ZZZ3: variants seen among roughly 807,000 people sequenced by gnomAD.
The protein encoded by ZZZ3 is ZZ-type zinc finger-containing protein 3.
A neutral mutation model predicts 95.2 loss-of-function variants in ZZZ3; 22 were observed. The ratio of observed to expected loss-of-function variants is 0.23; its 90% confidence interval spans 0.17 to 0.33. The LOEUF is 0.33. ZZZ3 is among the 10% of genes least tolerant of loss of function. The pLI, the probability that ZZZ3 is intolerant of heterozygous loss-of-function variation, is 1.00. For missense variants in ZZZ3, 885 were observed against 1,066.5 expected (o/e 0.83, Z 2.37); for synonymous variants, 335 against 358.9 (o/e 0.93, Z 0.75).
At chr1:77,584,456 AATTCTCTTAAGCT>A (rs777176240) in intron 6 of ZZZ3, 48 bp downstream of exon 6, 47 of 1,511,362 alleles carry the variant, frequency 3.1e-5, no homozygotes, top group Non-Finnish European at 4.0e-5. Context: ...GAATTAACCA[AATTCTCTTAAGCT>A]ATTCCCAAAT....
intron 5 of ZZZ3, among the ~76,000 whole-genome samples, chr1:77,619,912 G>A (rs1228997323): frequency 6.6e-6 from 1 of 151,792 alleles, no homozygotes; most frequent in African/African-American, 2.4e-5. Context: ...ACTATGAAAA[G>A]CATGCTAAAT....
chr1:77,644,266 A>G (rs1448023902), intron 1 of ZZZ3, among the ~76,000 whole-genome samples: 1 of 151,846 alleles, frequency 6.6e-6, no homozygotes, highest in Admixed American at 6.6e-5. Context: ...GGGTTTTGCC[A>G]TGTTGGCCAG....
At chr1:77,677,436 C>A (rs898360804) in intron 1 of ZZZ3, 3 of 152,120 alleles carry the variant, frequency 2.0e-5, no homozygotes, top group Non-Finnish European at 4.4e-5. Flanking sequence ...TGCTTCACCT[C>A]AGTAATTAAA....
chr1:77,621,299 GA>G (rs1666829385), intron 5 of ZZZ3, among the ~76,000 whole-genome samples: 1 of 149,150 alleles, frequency 6.7e-6, no homozygotes, highest in African/African-American at 2.5e-5. Context: ...GGGCAACACA[GA>G]AGGAGCCTGT....
intron 5 of ZZZ3, among the ~76,000 whole-genome samples, chr1:77,618,465 A>G (rs952256860): frequency 6.6e-6 from 1 of 152,010 alleles, no homozygotes; most frequent in African/African-American, 2.4e-5. Context: ...AGGGGAAAGG[A>G]AGAAAGTGTG....
intron 1 of ZZZ3, among the ~76,000 whole-genome samples, chr1:77,663,071 C>T (rs1670954037): frequency 1.3e-5 from 2 of 151,512 alleles, no homozygotes; most frequent in Non-Finnish European, 2.9e-5. Context: ...CGCTACTGCA[C>T]TCCAGGCTGG....
chr1:77,586,799 G>A (rs1161347952), intron 5 of ZZZ3, among the ~76,000 whole-genome samples: 4 of 152,098 alleles, frequency 2.6e-5, no homozygotes, highest in Admixed American at 6.6e-5. Context: ...AGCATACTCA[G>A]ACACTGCACC....
At chr1:77,675,396 C>T (rs981455701) in intron 1 of ZZZ3, among the ~76,000 whole-genome samples, 2 of 151,922 alleles carry the variant, frequency 1.3e-5, no homozygotes, top group African/African-American at 2.4e-5. Context: ...TAATTAGCAA[C>T]GCTATTTCCT....
chr1:77,599,268 A>G (rs558792581), intron 5 of ZZZ3, among the ~76,000 whole-genome samples: 3 of 152,168 alleles, frequency 2.0e-5, no homozygotes, highest in African/African-American at 7.2e-5. Context: ...ACCTTATATT[A>G]TTCATTATAC....
chr1:77,632,403 C>G lies in ZZZ3; in HGVS notation c.952G>C (p.Val318Leu). 6.2e-7 allele frequency: 1 copy of G among 1,614,168 alleles called. No individual in the cohort carries two copies. Among genetic ancestry groups the G allele is most frequent in the Non-Finnish European group, 8.5e-7 (1 of 1,180,002 alleles). Residue 318 changes from valine (V) to leucine (L), a missense_variant, in exon 5 of 15, where the codon GTA (valine) becomes CTA (leucine). Val to Leu is a conservative substitution (Grantham distance 32). Around this residue, in one of 5 missense-constraint regions of ZZZ3, gnomAD observed 556 missense variants for 652.9 expected, o/e 0.85. Transcript: ENST00000370801. ...GCACTGCTATCTCCCACCACATCTA[C>G]TTCCTCCTCAGAATCCCTTAAAGAT... ...QSSLRDSEEE[V>L]DVVGDSSASK...
intron 1 of ZZZ3, among the ~76,000 whole-genome samples, chr1:77,680,952 C>G (rs968362515): frequency 9.9e-5 from 15 of 152,082 alleles, no homozygotes; most frequent in African/African-American, 3.6e-4. Flanking sequence ...AAATAAGTTA[C>G]TTGTGATATT....
At chr1:77,574,158 A>T (rs1661694689) in intron 12 of ZZZ3, among the ~76,000 whole-genome samples, 1 of 148,086 alleles carries the variant, frequency 6.8e-6, no homozygotes, top group Non-Finnish European at 1.5e-5. Context: ...ATATAGATTT[A>T]TATATAGATA....
At position 77,566,083 on chromosome 1, in the gene ZZZ3, G is replaced by A. The variant is rs1196737847; in HGVS notation, c.2565C>T (p.Asp855=). The change falls in exon 14 of 15, where the codon GAC becomes GAT. Residue 855 remains aspartate (D), a splice_region_variant and synonymous_variant. Transcript: ENST00000370801. ...MSLDFCDSCS[D]CLHETDIHKE... is the part of the protein sequence containing the mutation. ...CTGACAATGAAGAAAACACTTACCA[G>A]TCTGAACAAGAATCACAGAAATCCA... The A allele has an allele frequency of 6.2e-7, 1 of 1,610,786 alleles. No individual in the cohort carries two copies.
chr1:77,572,661 G>A (rs1452741940), intron 12 of ZZZ3, among the ~76,000 whole-genome samples: 1 of 151,788 alleles, frequency 6.6e-6, no homozygotes, highest in African/African-American at 2.4e-5. Flanking sequence ...TTTTAAGACA[G>A]AGTCTCCCTC....
intron 5 of ZZZ3, among the ~76,000 whole-genome samples, chr1:77,597,098 C>A (rs972631155): frequency 1.3e-5 from 2 of 151,858 alleles, no homozygotes; most frequent in African/African-American, 4.8e-5. Context: ...ACAAAATGAG[C>A]GTCAAGTATT....
At chr1:77,588,609 T>G (rs916620852) in intron 5 of ZZZ3, among the ~76,000 whole-genome samples, 1 of 152,066 alleles carries the variant, frequency 6.6e-6, no homozygotes, top group African/African-American at 2.4e-5. Flanking sequence ...AGACAGATAT[T>G]TAAAAGAAAT....
At chr1:77,683,034 G>GC (rs1211225062), upstream of ZZZ3, among the ~76,000 whole-genome samples, 73 of 56,974 alleles carry the variant, frequency 1.3e-3, no homozygotes, top group South Asian at 2.2e-3. Flanking sequence ...AGCCCTCCCC[G>GC]CCCCCCCTTT....
chr1:77,604,953 A>G (rs1331314422), intron 5 of ZZZ3, among the ~76,000 whole-genome samples: 3 of 152,192 alleles, frequency 2.0e-5, no homozygotes, highest in African/African-American at 7.2e-5. Context: ...TTGACTGAAA[A>G]AAATCCTAAA....
At chr1:77,603,334 A>C (rs1470281734) in intron 5 of ZZZ3, among the ~76,000 whole-genome samples, 1 of 152,048 alleles carries the variant, frequency 6.6e-6, no homozygotes, top group African/African-American at 2.4e-5. Context: ...CTAACCTTGG[A>C]CTCCCAAGTG....
Sources: gnomAD v4.1 joint callset for allele counts (sites outside exome capture counted in the v4.1 genomes callset) on GRCh38, gnomAD v4.1.1 for gene constraint, gnomAD v4.1.1 regional missense constraint, MANE v1.5 for transcripts, NCBI Gene and HGNC (gene_info 2026-07-23, HGNC 2026-07-21) for gene names.